The following GALNT13 variants were observed in gnomAD, a reference collection of about 807,000 sequenced individuals.
GALNT13 encodes polypeptide N-acetylgalactosaminyltransferase 13.
A neutral mutation model predicts 64.2 loss-of-function variants in GALNT13; 28 were observed. That is an observed-to-expected ratio of 0.44 (90% CI 0.32 to 0.60). The LOEUF (loss-of-function observed/expected upper bound fraction) is 0.60, where lower values mean the gene tolerates loss of function less well. GALNT13 is among the 20% of genes least tolerant of loss of function. The pLI, the probability that GALNT13 is intolerant of heterozygous loss-of-function variation, is 0.05. For synonymous variants in GALNT13, 214 were observed against 224.6 expected (o/e 0.95, Z 0.42); for missense variants, 577 against 669.8 (o/e 0.86, Z 1.53).
chr2:154,350,304 C>T (rs570445011), intron 9 of GALNT13, among the ~76,000 whole-genome samples: 1 of 152,298 alleles, frequency 6.6e-6, no homozygotes, highest in South Asian at 2.1e-4. Context: ...TTTAAATCAG[C>T]TGCCAGCACA....
the GALNT13 span, among the ~76,000 whole-genome samples, chr2:153,586,776 G>A: frequency 6.6e-6 from 1 of 151,798 alleles, no homozygotes; most frequent in Admixed American, 6.6e-5. Flanking sequence ...CTGACCATAT[G>A]TCTGGCCATA....
intron 8 of GALNT13, among the ~76,000 whole-genome samples, chr2:154,264,905 C>G (rs1441925202): frequency 6.7e-6 from 1 of 150,258 alleles, no homozygotes; most frequent in African/African-American, 2.4e-5. Flanking sequence ...ATAAAGATAA[C>G]AGCAGAAATA....
intron 8 of GALNT13, among the ~76,000 whole-genome samples, chr2:154,261,884 G>A (rs185739038): frequency 7.2e-5 from 11 of 152,202 alleles, no homozygotes; most frequent in African/African-American, 2.4e-4. Context: ...GTCTACATAG[G>A]TTCTAGTCTA....
chr2:153,855,775 C>CTT, the GALNT13 span, among the ~76,000 whole-genome samples: 1 of 152,044 alleles, frequency 6.6e-6, no homozygotes, highest in Non-Finnish European at 1.5e-5. Context: ...CACACAAATA[C>CTT]TTACAAGTGA....
intron 9 of GALNT13, among the ~76,000 whole-genome samples, chr2:154,369,416 T>C (rs1697556066): frequency 6.6e-6 from 1 of 152,148 alleles, no homozygotes; most frequent in Non-Finnish European, 1.5e-5. Context: ...AAAATAATAC[T>C]TCAGTGTCAG....
chr2:153,640,229 T>C, the GALNT13 span, among the ~76,000 whole-genome samples: 2 of 152,122 alleles, frequency 1.3e-5, no homozygotes, highest in South Asian at 2.1e-4. Flanking sequence ...AGCACCAATA[T>C]TCCCTCCTGG....
chr2:153,692,886 A>C, the GALNT13 span, among the ~76,000 whole-genome samples: 2 of 152,178 alleles, frequency 1.3e-5, no homozygotes, highest in Admixed American at 1.3e-4. Flanking sequence ...ATGAAAACTC[A>C]TGGGGTTGCT....
At chr2:153,712,882 A>G in the GALNT13 span, among the ~76,000 whole-genome samples, 1 of 152,188 alleles carries the variant, frequency 6.6e-6, no homozygotes, top group African/African-American at 2.4e-5. Context: ...CAAAACATGT[A>G]TCGGTCCACC....
chr2:153,649,714 C>T, the GALNT13 span, among the ~76,000 whole-genome samples: 1 of 151,856 alleles, frequency 6.6e-6, no homozygotes, highest in African/African-American at 2.4e-5. Context: ...GCCTTCATTT[C>T]ATTATGTACC....
In GALNT13 at chr2:153,889,750, TAATC is replaced by T. The variant is rs1207275395; in HGVS notation, c.-176-11182_-176-11179del. Among the ~76,000 whole-genome samples the T allele has an allele frequency of 3.9e-5, 6 of 152,128 alleles. No individual in the cohort carries two copies. The East Asian group carries it at 1.2e-3, about 29-fold the overall frequency. On this transcript the variant is annotated intron_variant, in intron 1 of 12. Transcript: ENST00000392825. ...TTCCTGCTTAAGCAGTCAGTATACATAATCAATTAATAAATGTAGCTAGTGATTT... is the reference window on the plus strand; with the variant it reads ...TTCCTGCTTAAGCAGTCAGTATACATAATTAATAAATGTAGCTAGTGATTT...
chr2:153,916,704 A>G (rs186620038), intron 2 of GALNT13, among the ~76,000 whole-genome samples: 1 of 152,306 alleles, frequency 6.6e-6, no homozygotes, highest in East Asian at 1.9e-4. Flanking sequence ...GAAATGGTAT[A>G]TTTAGTTTAC....
At chr2:153,107,667 T>C in the GALNT13 span, among the ~76,000 whole-genome samples, 2 of 152,182 alleles carry the variant, frequency 1.3e-5, no homozygotes, top group African/African-American at 4.8e-5. Context: ...CTTTGGAAGA[T>C]GTCCTGACTA....
At chr2:153,590,312 T>A in the GALNT13 span, among the ~76,000 whole-genome samples, 23,265 of 152,006 alleles carry the variant, frequency 0.15, 1,869 homozygotes, top group African/African-American at 0.19. Context: ...TATAAGAGAC[T>A]GATAGCAAAT....
At chr2:153,259,391 T>C in the GALNT13 span, among the ~76,000 whole-genome samples, 1 of 152,186 alleles carries the variant, frequency 6.6e-6, no homozygotes. Flanking sequence ...TCTGCCACTC[T>C]GTCTTTTGAT....
chr2:153,236,611 C>T, the GALNT13 span, among the ~76,000 whole-genome samples: 6 of 152,132 alleles, frequency 3.9e-5, no homozygotes, highest in African/African-American at 1.4e-4. Context: ...TATATGTTTA[C>T]AGTATGGTTT....
At chr2:154,396,852 C>A (rs1258238362) in intron 10 of GALNT13, among the ~76,000 whole-genome samples, 1 of 151,592 alleles carries the variant, frequency 6.6e-6, no homozygotes, top group East Asian at 1.9e-4. Flanking sequence ...TTCTACATAT[C>A]TATTTTATCT....
chr2:153,239,073 T>A, the GALNT13 span, among the ~76,000 whole-genome samples: 1 of 152,114 alleles, frequency 6.6e-6, no homozygotes, highest in Non-Finnish European at 1.5e-5. Flanking sequence ...ACTTTATTCC[T>A]AGGTATTTTA....
At chr2:154,305,297 G>GGT (rs2105108492) in intron 9 of GALNT13, among the ~76,000 whole-genome samples, 1 of 151,984 alleles carries the variant, frequency 6.6e-6, no homozygotes, top group East Asian at 1.9e-4. Flanking sequence ...GAGAGAATCT[G>GGT]GTGTGTGTGT....
the GALNT13 span, among the ~76,000 whole-genome samples, chr2:153,307,224 TCA>T: frequency 1.3e-5 from 2 of 152,242 alleles, no homozygotes; most frequent in Non-Finnish European, 2.9e-5. Context: ...AAATGGTTCA[TCA>T]CAGAGGTCTT....
Sources: gnomAD v4.1 joint callset for allele counts (sites outside exome capture counted in the v4.1 genomes callset) on GRCh38, gnomAD v4.1.1 for gene constraint, MANE v1.5 for transcripts, NCBI Gene and HGNC (gene_info 2026-07-23, HGNC 2026-07-21) for gene names.